CACNA2D3: variants seen among roughly 807,000 people sequenced by gnomAD.
CACNA2D3 encodes calcium voltage-gated channel auxiliary subunit alpha2delta 3.
CACNA2D3 carries 60 observed loss-of-function variants against 160.6 expected under a neutral mutation model. The ratio of observed to expected loss-of-function variants is 0.37; its 90% CI spans 0.30 to 0.46. The LOEUF (loss-of-function observed/expected upper bound fraction) is 0.46, where lower values mean the gene tolerates loss of function less well. Among genes scored for constraint, CACNA2D3 ranks in the 20% least tolerant of loss-of-function variants. CACNA2D3 has a pLI of 1.00. For synonymous variants in CACNA2D3, 558 were observed against 492.9 expected, an observed-to-expected ratio of 1.13 and a Z score of -1.75; for missense variants, 1,205 against 1,365.0, an observed-to-expected ratio of 0.88 and a Z score of 1.85.
At chr3:54,628,848 TGGCCATTCAGATG>T (rs559146294) in intron 10 of CACNA2D3, among the ~76,000 whole-genome samples, 3,079 of 152,082 alleles carry the variant, frequency 0.02, 57 homozygotes, top group Non-Finnish European at 0.027. Context: ...CGAGTCACTG[TGGCCATTCAGATG>T]GGCCATTCAG....
At position 54,822,787 on chromosome 3, in the gene CACNA2D3, T is replaced by TTTCTTTCC. The variant is rs1553874250; in HGVS notation, c.1398+5920_1398+5921insTTTCCTTC. Among the ~76,000 whole-genome samples the TTTCTTTCC allele has an allele frequency of 1.0e-3, 71 of 70,704 alleles. 1 individual carries two copies. Among genetic ancestry groups the TTTCTTTCC allele is most frequent in the Middle Eastern group, 8.5e-3 (1 of 118 alleles). The allele number at this position is 70,704 out of a possible 152,430, so 46.4% of individuals were successfully genotyped here. ...CTTTCTTTCTTTCTTTCTTTCTTTC[T>TTTCTTTCC]TTCCTTTCTTTCTTTCTTTCTTTCT... is the stretch of plus-strand genomic sequence containing the variant. On this transcript the variant is annotated intron_variant, in intron 14 of 37. Coordinates refer to ENST00000474759, the MANE Select transcript of CACNA2D3 (RefSeq NM_018398.3).
intron 2 of CACNA2D3, among the ~76,000 whole-genome samples, chr3:54,129,125 C>G (rs1040517755): frequency 6.6e-6 from 1 of 151,746 alleles, no homozygotes; most frequent in African/African-American, 2.4e-5. Flanking sequence ...ATTTAGTGAC[C>G]AACAGACTCT....
rs1443598920 is a variant in CACNA2D3 at position 55,007,681 on chromosome 3, A to G, written c.2767-109A>G. The G allele has an allele frequency of 1.0e-5, 7 of 688,480 alleles. No homozygotes were observed. In the African/African-American group the frequency reaches 1.3e-4, roughly 13 times the overall value. 42.6% of individuals were successfully genotyped at this position (688,480 alleles called of 1,614,324 possible). On this transcript the variant is annotated intron_variant, in intron 32 of 37. Coordinates refer to ENST00000474759, the MANE Select transcript of CACNA2D3 (RefSeq NM_018398.3). Reference sequence around the variant, plus strand: ...TAGAACGCCACTGTTTTTTAACATGATATCAATCTCTCTAGAAGAATAACA... The same window carrying G: ...TAGAACGCCACTGTTTTTTAACATGGTATCAATCTCTCTAGAAGAATAACA...
intron 8 of CACNA2D3, among the ~76,000 whole-genome samples, chr3:54,570,946 T>G (rs1417018549): frequency 2.0e-5 from 3 of 152,176 alleles, no homozygotes; most frequent in Admixed American, 2.0e-4. Context: ...CAGGAGGTCC[T>G]AAGAACATGC....
intron 9 of CACNA2D3, among the ~76,000 whole-genome samples, chr3:54,606,144 TTA>T (rs60294607): frequency 0.34 from 50,468 of 150,634 alleles, 8,904 homozygotes; most frequent in African/African-American, 0.43. Context: ...TAATGTAACT[TTA>T]TATATATATA....
intron 35 of CACNA2D3, among the ~76,000 whole-genome samples, chr3:55,026,021 A>G (rs1703558486): frequency 6.6e-6 from 1 of 152,026 alleles, no homozygotes; most frequent in African/African-American, 2.4e-5. Context: ...AGCTTGATTA[A>G]TTTGCACAAA....
At chr3:54,493,041 T>C (rs888690462) in intron 4 of CACNA2D3, among the ~76,000 whole-genome samples, 2 of 148,104 alleles carry the variant, frequency 1.4e-5, no homozygotes, top group Admixed American at 1.4e-4. Flanking sequence ...AATATGTATG[T>C]GGGAGGTATT....
chr3:54,761,034 C>T (rs946877475), intron 12 of CACNA2D3, among the ~76,000 whole-genome samples: 1 of 152,026 alleles, frequency 6.6e-6, no homozygotes, highest in African/African-American at 2.4e-5. Flanking sequence ...TTTCTCAGCT[C>T]TGTCCTTTTC....
chr3:54,285,963 A>C (rs1255761870), intron 2 of CACNA2D3, among the ~76,000 whole-genome samples: 4 of 152,152 alleles, frequency 2.6e-5, no homozygotes, highest in Non-Finnish European at 5.9e-5. Flanking sequence ...AGTAGATAAA[A>C]CCACAAAGAT....
At chr3:54,242,109 A>T (rs1701985176) in intron 2 of CACNA2D3, among the ~76,000 whole-genome samples, 1 of 152,190 alleles carries the variant, frequency 6.6e-6, no homozygotes, top group Non-Finnish European at 1.5e-5. Context: ...ACAATAAAAG[A>T]TTAAAAATAA....
chr3:54,141,087 G>GTGTGTGTGTGTGCGCGCA (rs1553731269), intron 2 of CACNA2D3, among the ~76,000 whole-genome samples: 1 of 119,728 alleles, frequency 8.4e-6, no homozygotes, highest in African/African-American at 3.5e-5. Context: ...GTGTGTGTGT[G>GTGTGTGTGTGTGCGCGCA]CGCGCGCGCG....
At chr3:54,776,168 A>G (rs1489940318) in intron 13 of CACNA2D3, among the ~76,000 whole-genome samples, 1 of 152,242 alleles carries the variant, frequency 6.6e-6, no homozygotes, top group Non-Finnish European at 1.5e-5. Context: ...GTTATGTCCC[A>G]GAAGGCCAAG....
intron 4 of CACNA2D3, among the ~76,000 whole-genome samples, chr3:54,425,058 G>A (rs1318322618): frequency 1.5e-4 from 23 of 152,204 alleles, no homozygotes; most frequent in African/African-American, 4.1e-4. Context: ...AGCTGGGCGC[G>A]GTGGCTCACG....
chr3:54,799,657 C>T lies in CACNA2D3; in HGVS notation c.1381-17196C>T, dbSNP rs148871757. On this transcript the variant is annotated intron_variant, in intron 13 of 37. Coordinates refer to ENST00000474759, the MANE Select transcript of CACNA2D3 (RefSeq NM_018398.3). ...CTGCCTTTTGTAGGGAATATGAAGACCCTTTCATCTTTTTGGAGAGTTTCA... is the reference window on the plus strand; with the variant it reads ...CTGCCTTTTGTAGGGAATATGAAGATCCTTTCATCTTTTTGGAGAGTTTCA... Among the ~76,000 whole-genome samples, 13 of 152,294 alleles carry T rather than the reference C, an allele frequency of 8.5e-5. No individual in the cohort carries two copies. In the East Asian group the frequency reaches 2.5e-3, roughly 29 times the overall value.
intron 4 of CACNA2D3, among the ~76,000 whole-genome samples, chr3:54,394,379 T>G (rs1387448862): frequency 6.7e-6 from 1 of 149,768 alleles, no homozygotes; most frequent in Non-Finnish European, 1.5e-5. Flanking sequence ...TTGTGCAGGT[T>G]ACATATGTAT....
chr3:54,727,745 C>G (rs1399693087), intron 11 of CACNA2D3, among the ~76,000 whole-genome samples: 1 of 152,032 alleles, frequency 6.6e-6, no homozygotes, highest in East Asian at 1.9e-4. Context: ...CATCACACAC[C>G]AGGGCCTGTC....
At chr3:54,803,944 C>G (rs1703054737) in intron 13 of CACNA2D3, among the ~76,000 whole-genome samples, 1 of 152,102 alleles carries the variant, frequency 6.6e-6, no homozygotes, top group Admixed American at 6.6e-5. Flanking sequence ...AATTTCATAT[C>G]CAGTCAAACT....
intron 11 of CACNA2D3, among the ~76,000 whole-genome samples, chr3:54,679,373 A>G (rs527617253): frequency 1.3e-5 from 2 of 152,252 alleles, no homozygotes; most frequent in Admixed American, 6.5e-5. Flanking sequence ...ATCTCACCTT[A>G]GATAGATGCT....
intron 3 of CACNA2D3, among the ~76,000 whole-genome samples, chr3:54,349,767 A>G (rs35988980): frequency 0.063 from 9,592 of 152,212 alleles, 360 homozygotes; most frequent in Middle Eastern, 0.11. Context: ...TGTAGTGCGC[A>G]TCTGTTCATG....
Sources: allele counts gnomAD v4.1 joint callset (sites outside exome capture counted in the v4.1 genomes callset), GRCh38; gene constraint gnomAD v4.1.1; transcripts MANE v1.5; gene names NCBI Gene and HGNC (gene_info 2026-07-23, HGNC 2026-07-21).